The following PRELID2 variants were observed in gnomAD, a reference collection of about 807,000 sequenced individuals.
The protein encoded by PRELID2 is PRELI domain containing 2.
In PRELID2, 25 loss-of-function variants were observed where a neutral mutation model predicts 28.4. That is an observed-to-expected ratio of 0.88 (90% CI 0.64 to 1.23). The LOEUF (loss-of-function observed/expected upper bound fraction) is 1.23, where lower values mean the gene tolerates loss of function less well. PRELID2 is among the 50% of genes most tolerant of loss of function. The pLI is 0.00. For synonymous variants in PRELID2, 76 were observed against 71.6 expected (o/e 1.06, Z -0.31); for missense variants, 201 against 214.4 (o/e 0.94, Z 0.39).
At chr5:145,441,126 C>T in the PRELID2 span, 2 of 152,026 alleles carry the variant, frequency 1.3e-5, no homozygotes, top group African/African-American at 4.8e-5. Flanking sequence ...TTGAGGGAAC[C>T]CAATCTGAAC....
At chr5:145,373,888 T>A in the PRELID2 span, among the ~76,000 whole-genome samples, 2 of 129,872 alleles carry the variant, frequency 1.5e-5, no homozygotes, top group Admixed American at 8.6e-5. Context: ...ATATATGATA[T>A]TATATATTAC....
intron 1 of PRELID2, among the ~76,000 whole-genome samples, chr5:145,597,824 A>T (rs1215826533): frequency 1.3e-5 from 2 of 152,164 alleles, no homozygotes; most frequent in Non-Finnish European, 1.5e-5. Flanking sequence ...CTATTCATCC[A>T]GTAATTACTT....
At chr5:145,253,893 T>A in the PRELID2 span, among the ~76,000 whole-genome samples, 1 of 152,152 alleles carries the variant, frequency 6.6e-6, no homozygotes, top group Non-Finnish European at 1.5e-5. Context: ...TTGTCACTTT[T>A]ATTTAGTGTT....
At chr5:145,433,231 T>A in the PRELID2 span, among the ~76,000 whole-genome samples, 1 of 152,114 alleles carries the variant, frequency 6.6e-6, no homozygotes, top group Non-Finnish European at 1.5e-5. Flanking sequence ...AAAGATCAGA[T>A]CCTCCCTATC....
chr5:145,421,326 A>C, the PRELID2 span, among the ~76,000 whole-genome samples: 1 of 149,476 alleles, frequency 6.7e-6, no homozygotes, highest in African/African-American at 2.5e-5. Context: ...TCCTCCTTGT[A>C]CCTCTGGTAG....
chr5:145,329,980 T>C, the PRELID2 span, among the ~76,000 whole-genome samples: 2 of 151,558 alleles, frequency 1.3e-5, no homozygotes, highest in African/African-American at 4.8e-5. Context: ...TTGAGAGTTT[T>C]TGAAGGGGTG....
At chr5:145,647,469 G>A (rs1373786760) in intron 1 of PRELID2, among the ~76,000 whole-genome samples, 2 of 152,188 alleles carry the variant, frequency 1.3e-5, no homozygotes, top group Non-Finnish European at 2.9e-5. Context: ...CTGTGGGGGT[G>A]GGACCCACCG....
chr5:145,765,258 C>T (rs1378570077), intron 5 of PRELID2, among the ~76,000 whole-genome samples: 1 of 152,184 alleles, frequency 6.6e-6, no homozygotes, highest in Non-Finnish European at 1.5e-5. Flanking sequence ...CATAAGAAAA[C>T]AACCCAAGAG....
chr5:145,812,024 C>T (rs1174924904), intron 4 of PRELID2, among the ~76,000 whole-genome samples: 1 of 152,172 alleles, frequency 6.6e-6, no homozygotes, highest in African/African-American at 2.4e-5. Context: ...ACCTCATCCC[C>T]AGCTCCAAGG....
At chr5:145,487,981 G>A (rs558819594) in intron 1 of PRELID2, among the ~76,000 whole-genome samples, 74 of 151,592 alleles carry the variant, frequency 4.9e-4, no homozygotes, top group Non-Finnish European at 7.7e-4. Flanking sequence ...AAAATTAGCC[G>A]GGCGTGATGG....
chr5:145,721,762 G>C (rs1287019986), intron 1 of PRELID2, among the ~76,000 whole-genome samples: 1 of 152,052 alleles, frequency 6.6e-6, no homozygotes, highest in Non-Finnish European at 1.5e-5. Flanking sequence ...GATGGACACA[G>C]ACATAACAGG....
chr5:145,683,508 C>G (rs921157744), intron 1 of PRELID2, among the ~76,000 whole-genome samples: 2 of 152,164 alleles, frequency 1.3e-5, no homozygotes, highest in South Asian at 2.1e-4. Context: ...TCTGAGGACT[C>G]TCTCCTAGAC....
intron 1 of PRELID2, among the ~76,000 whole-genome samples, chr5:145,537,731 G>C (rs1752711913): frequency 6.6e-6 from 1 of 151,576 alleles, no homozygotes; most frequent in Middle Eastern, 3.2e-3. Context: ...ATTCATTCTA[G>C]AGATCAACCC....
chr5:145,236,970 G>A, the PRELID2 span, among the ~76,000 whole-genome samples: 58 of 152,252 alleles, frequency 3.8e-4, no homozygotes, highest in East Asian at 3.3e-3. Context: ...TCCCCACTGC[G>A]TTGATGTTGG....
the PRELID2 span, among the ~76,000 whole-genome samples, chr5:145,252,699 G>C: frequency 3.3e-5 from 5 of 152,044 alleles, no homozygotes; most frequent in African/African-American, 4.8e-5. Context: ...AATAACCCAA[G>C]GAGGAGAGAG....
At chr5:145,644,291 T>C (rs1754158336) in intron 1 of PRELID2, among the ~76,000 whole-genome samples, 4 of 152,336 alleles carry the variant, frequency 2.6e-5, no homozygotes, top group Non-Finnish European at 5.9e-5. Context: ...TTTTCCAGTT[T>C]ATTGGCGTAG....
At chr5:145,258,891 C>T in the PRELID2 span, among the ~76,000 whole-genome samples, 2 of 152,104 alleles carry the variant, frequency 1.3e-5, no homozygotes, top group South Asian at 4.2e-4. Flanking sequence ...ATCACAGGCC[C>T]AGAGTGCTAA....
At chr5:145,615,029 T>C (rs1178725975) in intron 1 of PRELID2, among the ~76,000 whole-genome samples, 1 of 152,158 alleles carries the variant, frequency 6.6e-6, no homozygotes, top group East Asian at 1.9e-4. Context: ...TATTATTGTG[T>C]TGCTGTCTGT....
At chr5:145,321,605 C>T in the PRELID2 span, among the ~76,000 whole-genome samples, 1 of 152,146 alleles carries the variant, frequency 6.6e-6, no homozygotes, top group Admixed American at 6.6e-5. Flanking sequence ...CCGCAAGCAC[C>T]CTATTTTGTT....
Sources: allele counts gnomAD v4.1 joint callset (sites outside exome capture counted in the v4.1 genomes callset), GRCh38; gene constraint gnomAD v4.1.1; transcripts MANE v1.5; gene names NCBI Gene and HGNC (gene_info 2026-07-23, HGNC 2026-07-21).